Variants in BLTP1 observed in about 807,000 individuals in gnomAD.
BLTP1 encodes bridge-like lipid transfer protein family member 1, also known as fragile site-associated protein.
chr4:122,223,011 T>G, the BLTP1 span: 2 of 904,558 alleles, frequency 2.2e-6, no homozygotes, highest in African/African-American at 1.8e-5. Flanking sequence ...TACTGAGAAT[T>G]ATTGAGTCTC....
the BLTP1 span, chr4:122,269,679 T>C: frequency 5.1e-6 from 5 of 985,278 alleles, no homozygotes; most frequent in Non-Finnish European, 6.0e-6. Context: ...GTATATTAGT[T>C]TGGGGTTACA....
the BLTP1 span, among the ~76,000 whole-genome samples, chr4:122,211,357 A>T: frequency 6.6e-6 from 1 of 152,250 alleles, no homozygotes; most frequent in Middle Eastern, 3.4e-3. Context: ...ATGATGTAGC[A>T]TCTGTTCTCA....
chr4:122,178,449 T>G, the BLTP1 span, among the ~76,000 whole-genome samples: 1 of 152,178 alleles, frequency 6.6e-6, no homozygotes, highest in African/African-American at 2.4e-5. Context: ...GGTGACTGTA[T>G]AAAAATGAAA....
At chr4:122,301,789 A>C in the BLTP1 span, among the ~76,000 whole-genome samples, 1 of 152,302 alleles carries the variant, frequency 6.6e-6, no homozygotes, top group Admixed American at 6.5e-5. Context: ...GAAATATTTT[A>C]TGCACTTTTC....
the BLTP1 span, chr4:122,204,315 G>A: frequency 2.0e-6 from 2 of 977,148 alleles, no homozygotes; most frequent in African/African-American, 1.7e-5. Context: ...AAGACACTAA[G>A]GTCTGAAATG....
chr4:122,183,442 C>T, the BLTP1 span: 1 of 983,760 alleles, frequency 1.0e-6, no homozygotes, highest in Admixed American at 6.2e-5. Flanking sequence ...TGGTCAGTGT[C>T]ATTAGGCTTA....
At chr4:122,202,735 A>G in the BLTP1 span, among the ~76,000 whole-genome samples, 36 of 152,192 alleles carry the variant, frequency 2.4e-4, no homozygotes, top group East Asian at 3.5e-3. Flanking sequence ...ATTTGAAAAT[A>G]TTATTTTGTA....
chr4:122,232,318 T>G, the BLTP1 span, among the ~76,000 whole-genome samples: 1 of 152,132 alleles, frequency 6.6e-6, no homozygotes, highest in Non-Finnish European at 1.5e-5. Context: ...CAAGTAGAGT[T>G]GCCAGGGAAA....
chr4:122,190,164 A>G, the BLTP1 span: 2 of 1,521,606 alleles, frequency 1.3e-6, no homozygotes, highest in Non-Finnish European at 1.8e-6. Flanking sequence ...TGGCGTAATC[A>G]TAGTCCACTA....
At chr4:122,153,838 A>T in the BLTP1 span, 1 of 231,960 alleles carries the variant, frequency 4.3e-6, no homozygotes, top group Non-Finnish European at 7.1e-6. Context: ...TGGAAGTTGT[A>T]GTTTTATTTT....
At chr4:122,353,100 T>C in the BLTP1 span, 48 of 1,613,846 alleles carry the variant, frequency 3.0e-5, no homozygotes, top group Non-Finnish European at 3.8e-5. This position sits in a 1 kb window ranked among gnomAD's most constrained non-coding sequence, Gnocchi z 4.3. Context: ...CCCTTTTTCA[T>C]TTAGAAGAAC....
chr4:122,193,888 A>T, the BLTP1 span, among the ~76,000 whole-genome samples: 3 of 151,888 alleles, frequency 2.0e-5, no homozygotes, highest in African/African-American at 7.3e-5. Context: ...TTTGAGACGG[A>T]GTCTCGCTCT....
chr4:122,229,030 A>AT, the BLTP1 span: 11 of 1,106,846 alleles, frequency 9.9e-6, no homozygotes, highest in South Asian at 6.9e-5. Flanking sequence ...CAATAACTAG[A>AT]TTTTTTGTGT....
the BLTP1 span, chr4:122,300,893 T>C: frequency 1.0e-6 from 1 of 981,104 alleles, no homozygotes; most frequent in Non-Finnish European, 1.2e-6. Context: ...TAGAACATTA[T>C]TTTCTGTATG....
the BLTP1 span, among the ~76,000 whole-genome samples, chr4:122,290,740 T>G: frequency 2.5e-5 from 3 of 121,590 alleles, no homozygotes; most frequent in African/African-American, 9.9e-5. Flanking sequence ...TGAGCTGAGA[T>G]GGCGCCACTG....
chr4:122,332,007 A>C, the BLTP1 span, among the ~76,000 whole-genome samples: 1 of 152,032 alleles, frequency 6.6e-6, no homozygotes, highest in African/African-American at 2.4e-5. Context: ...ATTTGTTTAC[A>C]TCACTAACTA....
At chr4:122,278,239 G>GAT in the BLTP1 span, among the ~76,000 whole-genome samples, 1 of 151,418 alleles carries the variant, frequency 6.6e-6, no homozygotes, top group Admixed American at 6.6e-5. Context: ...TCTAATCAGT[G>GAT]ATACCAGCCA....
chr4:122,219,167 A>C, the BLTP1 span: 4 of 983,588 alleles, frequency 4.1e-6, no homozygotes, highest in Non-Finnish European at 3.6e-6. Flanking sequence ...CCAAGCAGCT[A>C]TGTGTAAGTC....
the BLTP1 span, chr4:122,313,861 T>TTATATATATATA: frequency 1.2e-5 from 2 of 168,958 alleles, no homozygotes; most frequent in African/African-American, 4.9e-5. Context: ...TACTGTGTGT[T>TTATATATATATA]TATATATATA....
Sources: gnomAD v4.1 joint callset for allele counts (sites outside exome capture counted in the v4.1 genomes callset) on GRCh38, gnomAD v4.1.1 for gene constraint, Gnocchi (gnomAD v3.1) non-coding constraint, MANE v1.5 for transcripts, NCBI Gene and HGNC (gene_info 2026-07-23, HGNC 2026-07-21) for gene names.